The following KCNK13 variants were observed in gnomAD, a reference collection of about 807,000 sequenced individuals.
KCNK13 encodes potassium channel subfamily K member 13.
Under a neutral mutation model 23.4 loss-of-function variants are expected in KCNK13, and 12 were observed. That is an observed-to-expected ratio of 0.51 (90% CI 0.33 to 0.83). KCNK13 has a LOEUF of 0.83. Among genes scored for constraint, KCNK13 ranks in the 40% least tolerant of loss-of-function variants. The pLI, the probability that KCNK13 is intolerant of heterozygous loss-of-function variation, is 0.02. For missense variants in KCNK13, 463 were observed against 556.3 expected (o/e 0.83, Z 1.69); for synonymous variants, 231 against 229.5 (o/e 1.01, Z -0.06).
At chr14:90,150,215 G>C (rs1215417925) in intron 1 of KCNK13, among the ~76,000 whole-genome samples, 1 of 152,214 alleles carries the variant, frequency 6.6e-6, no homozygotes, top group African/African-American at 2.4e-5. Flanking sequence ...ACAGAAGCTG[G>C]AGAGGATGTG....
intron 1 of KCNK13, among the ~76,000 whole-genome samples, chr14:90,124,706 G>C (rs757008442): frequency 6.6e-6 from 1 of 152,232 alleles, no homozygotes; most frequent in Non-Finnish European, 1.5e-5. Context: ...CGGACAGCTT[G>C]GTTTTAGCTT....
In KCNK13 at chr14:90,185,240, T is replaced by G; in HGVS notation, c.*237T>G. On this transcript the variant is annotated 3_prime_UTR_variant, in exon 2 of 2. Transcript: ENST00000282146. ...CCTTATTCTTTAAGTCTAAATTCAGTCTTTTCAAAACAAATCACAAAAGCA... is the reference window on the plus strand; with the variant it reads ...CCTTATTCTTTAAGTCTAAATTCAGGCTTTTCAAAACAAATCACAAAAGCA... 2.3e-6 allele frequency: 1 copy of G among 429,408 alleles called. No individual in the cohort carries two copies. Among genetic ancestry groups the G allele is most frequent in the Non-Finnish European group, 4.1e-6 (1 of 243,432 alleles). 26.6% of individuals were successfully genotyped at this position (429,408 alleles called of 1,614,324 possible). A position where few individuals can be genotyped will look rare whatever the true frequency, so the allele number is the denominator to read the frequency against.
chr14:90,169,857 C>T (rs1424595364), intron 1 of KCNK13, among the ~76,000 whole-genome samples: 3 of 152,108 alleles, frequency 2.0e-5, no homozygotes, highest in South Asian at 2.1e-4. Context: ...CTTCTTCTGC[C>T]GGGGGCAGAG....
At chr14:90,158,992 C>T (rs868127728) in intron 1 of KCNK13, among the ~76,000 whole-genome samples, 16 of 152,362 alleles carry the variant, frequency 1.1e-4, no homozygotes, top group Middle Eastern at 3.4e-3. Flanking sequence ...GTTGCTATAA[C>T]AGGATACCCT....
intron 1 of KCNK13, among the ~76,000 whole-genome samples, chr14:90,068,670 GC>G (rs1889036914): frequency 6.6e-6 from 1 of 152,190 alleles, no homozygotes; most frequent in Non-Finnish European, 1.5e-5. Context: ...CAAAGTCTGT[GC>G]TTTAATAAGA....
At chr14:90,181,216 T>G (rs1323026527) in intron 1 of KCNK13, among the ~76,000 whole-genome samples, 3 of 152,208 alleles carry the variant, frequency 2.0e-5, no homozygotes, top group Non-Finnish European at 4.4e-5. Context: ...AAGGACTATG[T>G]CTGTGTCATC....
chr14:90,068,689 G>A (rs1211055675), intron 1 of KCNK13, among the ~76,000 whole-genome samples: 1 of 152,202 alleles, frequency 6.6e-6, no homozygotes, highest in African/African-American at 2.4e-5. Flanking sequence ...AGACACCCAG[G>A]TGAGTCCTGG....
intron 1 of KCNK13, among the ~76,000 whole-genome samples, chr14:90,078,471 GGGAAGGAA>G (rs200180179): frequency 1.4e-5 from 2 of 147,468 alleles, no homozygotes; most frequent in Admixed American, 6.8e-5. Context: ...GAAGGAGGGA[GGGAAGGAA>G]GGAAGGAAGA....
At chr14:90,120,646 A>G (rs796401243) in intron 1 of KCNK13, among the ~76,000 whole-genome samples, 108 of 152,170 alleles carry the variant, frequency 7.1e-4, no homozygotes, top group Middle Eastern at 3.4e-3. Context: ...TGATTCATTT[A>G]CCTCCCACTG....
intron 1 of KCNK13, among the ~76,000 whole-genome samples, chr14:90,121,759 G>A (rs1271752508): frequency 6.6e-6 from 1 of 151,844 alleles, no homozygotes; most frequent in Admixed American, 6.6e-5. Flanking sequence ...TCGCTCTGTC[G>A]CCAAGGCTGG....
intron 1 of KCNK13, among the ~76,000 whole-genome samples, chr14:90,065,043 T>C (rs1025492187): frequency 2.0e-5 from 3 of 152,208 alleles, no homozygotes; most frequent in African/African-American, 4.8e-5. Flanking sequence ...AAAATCAAGT[T>C]ATATGCAGTA....
intron 1 of KCNK13, among the ~76,000 whole-genome samples, chr14:90,086,663 T>G (rs1889279357): frequency 6.6e-6 from 1 of 152,180 alleles, no homozygotes; most frequent in Non-Finnish European, 1.5e-5. Flanking sequence ...ATGCTTGGTT[T>G]GAATGGTGTC....
At chr14:90,152,851 C>T (rs1198014151) in intron 1 of KCNK13, among the ~76,000 whole-genome samples, 5 of 152,052 alleles carry the variant, frequency 3.3e-5, no homozygotes, top group African/African-American at 1.2e-4. Flanking sequence ...ATAGAGTCTC[C>T]CCCTTCAAGG....
intron 1 of KCNK13, among the ~76,000 whole-genome samples, chr14:90,181,823 G>T (rs529393132): frequency 8.4e-4 from 128 of 152,196 alleles, no homozygotes; most frequent in African/African-American, 3.0e-3. Flanking sequence ...TATTTTCATT[G>T]ACTTCATCCG....
intron 1 of KCNK13, among the ~76,000 whole-genome samples, chr14:90,108,994 G>C (rs12147253): frequency 0.068 from 10,306 of 151,962 alleles, 445 homozygotes; most frequent in South Asian, 0.16. Flanking sequence ...GGCTAACACG[G>C]TGAAACCCCG....
chr14:90,139,920 C>A (rs1323477487), intron 1 of KCNK13, among the ~76,000 whole-genome samples: 3 of 152,182 alleles, frequency 2.0e-5, no homozygotes, highest in African/African-American at 7.2e-5. Flanking sequence ...CGAGATCACA[C>A]CACTGCCCTC....
chr14:90,071,993 A>G (rs1424691766), intron 1 of KCNK13, among the ~76,000 whole-genome samples: 1 of 152,106 alleles, frequency 6.6e-6, no homozygotes, highest in African/African-American at 2.4e-5. Context: ...CATCTCAGCC[A>G]TTAGAGGAGG....
At chr14:90,128,643 T>C (rs1461275335) in intron 1 of KCNK13, among the ~76,000 whole-genome samples, 1 of 152,116 alleles carries the variant, frequency 6.6e-6, no homozygotes, top group Admixed American at 6.6e-5. Context: ...CCTTCATGGC[T>C]CACCTGTTCC....
At position 90,085,875 on chromosome 14, in the gene KCNK13, C is replaced by A. The variant is rs139635055; in HGVS notation, c.334+23336C>A. 6.3e-4 allele frequency among the ~76,000 whole-genome samples: 88 copies of A among 140,328 alleles called. 1 individual carries two copies. The highest frequency in any genetic ancestry group is 2.1e-3 in the African/African-American group (81 of 37,996). 92.1% of individuals were successfully genotyped at this position (140,328 alleles called of 152,430 possible). A position where few individuals can be genotyped will look rare whatever the true frequency, so the allele number is the denominator to read the frequency against. On this transcript the variant is annotated intron_variant, in intron 1 of 1. Transcript: ENST00000282146. ...AAATATATAATATATAAATTTATAT[C>A]TATCTATCTACCTTTTTCCTTTTCT...
Sources: gnomAD v4.1 joint callset for allele counts (sites outside exome capture counted in the v4.1 genomes callset) on GRCh38, gnomAD v4.1.1 for gene constraint, MANE v1.5 for transcripts, NCBI Gene and HGNC (gene_info 2026-07-23, HGNC 2026-07-21) for gene names.